CENPP: variants seen among roughly 807,000 people sequenced by gnomAD.
CENPP encodes the protein centromere protein P.
Under a neutral mutation model 35.6 loss-of-function variants are expected in CENPP, and 24 were observed. The observed-to-expected ratio is 0.67, with a 90% CI of 0.49 to 0.95. The LOEUF (loss-of-function observed/expected upper bound fraction) is 0.95. Ranked by LOEUF, CENPP falls within the 40% of genes least tolerant of loss-of-function variation. CENPP has a pLI of 0.00. For synonymous variants in CENPP, 120 were observed against 125.5 expected (o/e 0.96, Z 0.29); for missense variants, 332 against 345.3 (o/e 0.96, Z 0.31).
At chr9:92,457,301 T>A in intron 5 of CENPP, 1 of 1,613,852 alleles carries the variant, frequency 6.2e-7, no homozygotes, top group Non-Finnish European at 8.5e-7. Flanking sequence ...CATTCCAAAG[T>A]TCCCAAGCTG....
chr9:92,349,784 C>A (rs1841398660), intron 4 of CENPP, among the ~76,000 whole-genome samples: 1 of 152,158 alleles, frequency 6.6e-6, no homozygotes, highest in Non-Finnish European at 1.5e-5. Context: ...CACACACATA[C>A]ACATGCATTC....
intron 5 of CENPP, among the ~76,000 whole-genome samples, chr9:92,598,746 T>G (rs984775834): frequency 6.9e-4 from 51 of 74,396 alleles, no homozygotes; most frequent in African/African-American, 3.3e-3. Context: ...ACTGAAGGGG[T>G]TTTTTTTTTT....
chr9:92,394,605 A>G (rs1308300896), intron 5 of CENPP, among the ~76,000 whole-genome samples: 1 of 150,572 alleles, frequency 6.6e-6, no homozygotes, highest in African/African-American at 2.4e-5. Flanking sequence ...TATTTTTTGA[A>G]TTTTTTTTCT....
chr9:92,355,438 T>C (rs1196465277), intron 4 of CENPP, among the ~76,000 whole-genome samples: 1 of 152,078 alleles, frequency 6.6e-6, no homozygotes, highest in Non-Finnish European at 1.5e-5. Flanking sequence ...ACAAACACAT[T>C]AAATGCCAAG....
intron 5 of CENPP, among the ~76,000 whole-genome samples, chr9:92,603,815 C>A (rs554818369): frequency 9.5e-4 from 145 of 152,282 alleles, no homozygotes; most frequent in Non-Finnish European, 1.4e-3. Context: ...TTGCCCACCT[C>A]CCCAGTCCAC....
chr9:92,517,743 C>T (rs1322370807), intron 5 of CENPP: 1 of 1,614,174 alleles, frequency 6.2e-7, no homozygotes, highest in Non-Finnish European at 8.5e-7. Context: ...TTGGGGGCAC[C>T]TCTGGGGATG....
intron 5 of CENPP, among the ~76,000 whole-genome samples, chr9:92,504,219 T>C (rs1846855753): frequency 6.6e-6 from 1 of 152,246 alleles, no homozygotes; most frequent in African/African-American, 2.4e-5. Flanking sequence ...TCCAAGAGTC[T>C]GTATTTCTTA....
At chr9:92,541,608 C>G (rs1849322284) in intron 5 of CENPP, among the ~76,000 whole-genome samples, 1 of 151,844 alleles carries the variant, frequency 6.6e-6, no homozygotes, top group Non-Finnish European at 1.5e-5. Context: ...GCTTATTTCA[C>G]TTAGCATAAT....
At chr9:92,429,622 AC>A (rs1453346307) in intron 5 of CENPP, among the ~76,000 whole-genome samples, 3 of 152,228 alleles carry the variant, frequency 2.0e-5, no homozygotes, top group Admixed American at 1.3e-4. Context: ...CCTTGTCTGT[AC>A]TAAAAATACA....
In CENPP at chr9:92,616,119, T is replaced by TTCTC. The variant is rs1194460521; in HGVS notation, c.*2975_*2978dup. On this transcript the variant is annotated 3_prime_UTR_variant, in exon 8 of 8. Transcript: ENST00000375587. The stretch of plus-strand genomic sequence containing the variant: ...CCCCCATTCATTTCCCTCCCTCCCG[T>TTCTC]TCTCTCTCCCTTTCTTCTTTCAACT... 1 of 1,139,610 alleles carries TTCTC rather than the reference T, an allele frequency of 8.8e-7. No homozygotes were observed. Among genetic ancestry groups the TTCTC allele is most frequent in the African/African-American group, 1.5e-5 (1 of 64,608 alleles). 70.6% of individuals were successfully genotyped at this position (1,139,610 alleles called of 1,614,324 possible).
At position 92,326,102 on chromosome 9, in the gene CENPP, T is replaced by G. The variant is rs763470823; in HGVS notation, c.104T>G (p.Val35Gly). The change falls in exon 1 of 8, where the codon GTC (valine) becomes GGC (glycine). Residue 35 changes from valine to glycine, a missense_variant. Transcript: ENST00000375587. Reference sequence around the variant, plus strand: ...GCGCCCTGGGAAGAGAAGTCCCGAGTCCAGTACGTGACCACCCCAAGTCCC... The same window carrying G: ...GCGCCCTGGGAAGAGAAGTCCCGAGGCCAGTACGTGACCACCCCAAGTCCC... ...PPAPWEEKSRVQKSFQAIHQF... is the reference protein window; with the variant it reads ...PPAPWEEKSRGQKSFQAIHQF... 4 of 1,540,292 alleles carry G rather than the reference T, an allele frequency of 2.6e-6. No homozygotes were observed. In the South Asian group the frequency reaches 4.8e-5, roughly 18 times the overall value.
In CENPP at chr9:92,398,359, G is replaced by A. The variant is rs141702764; in HGVS notation, c.564+18500G>A. ...TTTGGTTTTTTGACTATACGAAACA[G>A]CATTGTTCTAAAAATTAAATCTACA... On this transcript the variant is annotated intron_variant, in intron 5 of 7. Transcript: ENST00000375587. Among the ~76,000 whole-genome samples the A allele has an allele frequency of 2.3e-3, 344 of 152,198 alleles. 2 individuals are homozygous for A. The highest frequency in any genetic ancestry group is 7.9e-3 in the African/African-American group (330 of 41,532).
chr9:92,585,489 G>T (rs574858905), intron 5 of CENPP, among the ~76,000 whole-genome samples: 33 of 152,290 alleles, frequency 2.2e-4, no homozygotes, highest in Admixed American at 6.5e-4. Flanking sequence ...GCAAGTCTTT[G>T]TATGGACTTG....
chr9:92,375,280 A>G (rs1019378888), intron 4 of CENPP, among the ~76,000 whole-genome samples: 10 of 149,948 alleles, frequency 6.7e-5, no homozygotes, highest in Middle Eastern at 3.2e-3. Context: ...CACTTGACCT[A>G]TATTCATTTT....
intron 5 of CENPP, chr9:92,500,630 T>C (rs564850637): frequency 2.6e-4 from 333 of 1,263,054 alleles, no homozygotes; most frequent in Non-Finnish European, 3.5e-4. Context: ...CATTTTTTTT[T>C]CCCTTAACGT....
intron 5 of CENPP, among the ~76,000 whole-genome samples, chr9:92,552,000 A>G (rs1381622469): frequency 7.1e-6 from 1 of 140,152 alleles, no homozygotes; most frequent in African/African-American, 2.6e-5. Context: ...TGTGATATAT[A>G]TGTGTATATA....
chr9:92,523,530 C>T (rs148402895), intron 5 of CENPP, among the ~76,000 whole-genome samples: 3 of 152,234 alleles, frequency 2.0e-5, no homozygotes, highest in Non-Finnish European at 4.4e-5. Flanking sequence ...ATGGAGGCTG[C>T]AAAAGGCCCA....
intron 5 of CENPP, among the ~76,000 whole-genome samples, chr9:92,540,806 A>G (rs1225822320): frequency 2.0e-5 from 3 of 152,010 alleles, no homozygotes; most frequent in Non-Finnish European, 2.9e-5. Flanking sequence ...TGAGAATATA[A>G]TAAGGAATCA....
chr9:92,593,626 C>G lies in CENPP; in HGVS notation c.565-17688C>G, dbSNP rs1377863405. Among the ~76,000 whole-genome samples, 1 of 152,082 alleles carries G rather than the reference C, an allele frequency of 6.6e-6. No homozygotes were observed. Among genetic ancestry groups the G allele is most frequent in the Non-Finnish European group, 1.5e-5 (1 of 68,018 alleles). ...ATCTGTTTTGAGTTTTAAGTCAAGC[C>G]CATAATAAGCTGGTTCCTTCCTCCT... is the stretch of plus-strand genomic sequence containing the variant. On this transcript the variant is annotated intron_variant, in intron 5 of 7. Coordinates refer to ENST00000375587, the MANE Select transcript of CENPP (RefSeq NM_001012267.3). This position sits in a 1 kb window ranked among gnomAD's most constrained non-coding sequence, Gnocchi z 4.1.
Sources: allele counts gnomAD v4.1 joint callset (sites outside exome capture counted in the v4.1 genomes callset), GRCh38; gene constraint gnomAD v4.1.1; non-coding constraint Gnocchi (gnomAD v3.1); transcripts MANE v1.5; gene names NCBI Gene and HGNC (gene_info 2026-07-23, HGNC 2026-07-21).